Variants in GPBP1 observed in about 807,000 individuals in gnomAD.
The protein encoded by GPBP1 is vasculin.
In GPBP1, 13 loss-of-function variants were observed where a neutral mutation model predicts 56.5. The observed-to-expected ratio is 0.23, with a 90% confidence interval of 0.15 to 0.37. GPBP1 has a LOEUF of 0.37. GPBP1 is among the 10% of genes least tolerant of loss of function. The pLI is 1.00. For synonymous variants in GPBP1, 204 were observed against 188.9 expected (o/e 1.08, Z -0.66); for missense variants, 477 against 572.3 (o/e 0.83, Z 1.70).
chr5:57,237,132 C>G (rs1756692929), intron 6 of GPBP1: 1 of 1,549,766 alleles, frequency 6.5e-7, no homozygotes, highest in Non-Finnish European at 8.7e-7. Flanking sequence ...CCCAGACACA[C>G]ACATACCCAA....
chr5:57,256,544 T>C (rs1157944448), intron 10 of GPBP1, among the ~76,000 whole-genome samples: 4 of 152,166 alleles, frequency 2.6e-5, no homozygotes, highest in Non-Finnish European at 4.4e-5. Flanking sequence ...GAGAGAGTTA[T>C]GCATACGAAT....
chr5:57,198,915 G>A (rs1429837700), intron 2 of GPBP1, among the ~76,000 whole-genome samples: 1 of 152,156 alleles, frequency 6.6e-6, no homozygotes, highest in Non-Finnish European at 1.5e-5. Flanking sequence ...TGCCTTTGCA[G>A]TTGCAATAAT....
chr5:57,240,145 C>G (rs534877710), intron 6 of GPBP1, among the ~76,000 whole-genome samples: 1 of 151,754 alleles, frequency 6.6e-6, no homozygotes, highest in South Asian at 2.1e-4. Flanking sequence ...TAGCTACTTG[C>G]GAGGCTGAGG....
At position 57,214,157 on chromosome 5, in the gene GPBP1, C is replaced by T; in HGVS notation, c.27C>T (p.Ala9=). Residue 9 remains alanine, a synonymous_variant, in exon 3 of 12, where the codon GCC becomes GCT. Coordinates refer to ENST00000506184, the MANE Select transcript of GPBP1 (RefSeq NM_022913.4). MAQHDFAP[A]WLNFPTPPSS... is the part of the protein sequence containing the mutation. ...TGGCGCAGCATGACTTTGCTCCAGC[C>T]TGGCTTAATTTCCCTACTCCACCAT... is the stretch of plus-strand genomic sequence containing the variant. 1 of 1,614,060 alleles carries T rather than the reference C, an allele frequency of 6.2e-7. No homozygotes were observed. Among genetic ancestry groups the T allele is most frequent in the South Asian group, 1.1e-5 (1 of 91,084 alleles).
chr5:57,235,903 C>A, intron 5 of GPBP1, 63 bp from the exon 6 acceptor site: 1 of 1,166,932 alleles, frequency 8.6e-7, no homozygotes, highest in Non-Finnish European at 1.3e-6. Context: ...ATGTATGATT[C>A]TGAGATTGGT....
chr5:57,218,539 GC>G (rs1269201983), intron 3 of GPBP1, among the ~76,000 whole-genome samples: 2 of 152,144 alleles, frequency 1.3e-5, no homozygotes, highest in Non-Finnish European at 2.9e-5. Flanking sequence ...CATGTGTTCA[GC>G]AATTGGTCTA....
intron 2 of GPBP1, among the ~76,000 whole-genome samples, chr5:57,201,652 A>T (rs1755029547): frequency 6.6e-6 from 1 of 152,186 alleles, no homozygotes; most frequent in Non-Finnish European, 1.5e-5. Flanking sequence ...CTGTAAGGTT[A>T]TTTTACTTGA....
intron 2 of GPBP1, among the ~76,000 whole-genome samples, chr5:57,212,000 G>A (rs1580011507): frequency 1.3e-5 from 2 of 151,722 alleles, no homozygotes; most frequent in East Asian, 1.9e-4. Flanking sequence ...GCAGTGGCGC[G>A]ATCTCGGCTC....
intron 6 of GPBP1, chr5:57,237,207 A>G (rs1756694872): frequency 7.5e-7 from 1 of 1,339,524 alleles, no homozygotes; most frequent in East Asian, 2.5e-5. Context: ...TTCTGGGAAC[A>G]ACTGATTGCA....
At chr5:57,226,930 G>A (rs183590574) in intron 3 of GPBP1, among the ~76,000 whole-genome samples, 96 of 151,952 alleles carry the variant, frequency 6.3e-4, no homozygotes, top group African/African-American at 2.1e-3. Context: ...TAGTAGAGAC[G>A]GGGTTTCACC....
rs1753684235 is a variant in GPBP1 at position 57,174,061 on chromosome 5, T to C, written c.-1161T>C. 2 of 152,786 alleles carry C rather than the reference T, an allele frequency of 1.3e-5. No homozygotes were observed. The highest frequency in any genetic ancestry group is 6.6e-5 in the Admixed American group (1 of 15,258). 9.5% of individuals were successfully genotyped at this position (152,786 alleles called of 1,614,324 possible). ...TCTCGCGAGACTTGGCCCAGAACAT[T>C]GCGGATCGGGTCGGCGCCATTTTGG... On this transcript the variant is annotated 5_prime_UTR_variant, in exon 1 of 12. Coordinates refer to ENST00000506184, the MANE Select transcript of GPBP1 (RefSeq NM_022913.4).
Position 57,230,984 on chromosome 5 carries a change from G to A in GPBP1, c.187+15G>A, listed in dbSNP as rs751008021. 6.3e-7 allele frequency: 1 copy of A among 1,581,660 alleles called. No individual in the cohort carries two copies. Among genetic ancestry groups the A allele is most frequent in the South Asian group, 1.2e-5 (1 of 86,086 alleles). On this transcript the variant is annotated intron_variant, in intron 4 of 11. Transcript: ENST00000506184. The stretch of plus-strand genomic sequence containing the variant: ...TCCTAATGGAGGTAAAATTTGCTAA[G>A]GAATGATGTTTATGGCTAATTTTCT...
chr5:57,241,025 A>G (rs2111898388), intron 6 of GPBP1, among the ~76,000 whole-genome samples: 1 of 152,230 alleles, frequency 6.6e-6, no homozygotes, highest in African/African-American at 2.4e-5. Context: ...GTCATGTCAC[A>G]GGTGTTTAAT....
At chr5:57,257,150 C>T (rs1039872765) in intron 10 of GPBP1, among the ~76,000 whole-genome samples, 2 of 151,760 alleles carry the variant, frequency 1.3e-5, no homozygotes, top group Non-Finnish European at 2.9e-5. Flanking sequence ...TCTCCTGCCT[C>T]GGCCTCCCGG....
intron 6 of GPBP1, chr5:57,237,153 C>T (rs1179813059): frequency 6.5e-7 from 1 of 1,548,554 alleles, no homozygotes; most frequent in Non-Finnish European, 8.7e-7. Flanking sequence ...CCAAAAAAAT[C>T]TCCCAAGCTC....
chr5:57,211,604 G>T (rs200169024), intron 2 of GPBP1, among the ~76,000 whole-genome samples: 3 of 114,154 alleles, frequency 2.6e-5, no homozygotes, highest in Non-Finnish European at 5.5e-5. Flanking sequence ...GTTGTTGTTG[G>T]AGATGGAGTT....
chr5:57,242,839 T>C (rs1288219486), intron 6 of GPBP1, among the ~76,000 whole-genome samples: 2 of 151,964 alleles, frequency 1.3e-5, no homozygotes, highest in Non-Finnish European at 2.9e-5. Context: ...AACCTCTGCC[T>C]CCCGGGTTCA....
chr5:57,224,079 C>A (rs960548451), intron 3 of GPBP1, among the ~76,000 whole-genome samples: 3 of 151,496 alleles, frequency 2.0e-5, no homozygotes, highest in Non-Finnish European at 4.4e-5. Flanking sequence ...ATGATCCGCC[C>A]GCCTCGGCCT....
intron 2 of GPBP1, among the ~76,000 whole-genome samples, chr5:57,201,610 C>G (rs1579998573): frequency 6.6e-6 from 1 of 151,996 alleles, no homozygotes; most frequent in African/African-American, 2.4e-5. Context: ...TAAGAAACAC[C>G]TAGGGTAGCC....
Sources: allele counts gnomAD v4.1 joint callset (sites outside exome capture counted in the v4.1 genomes callset), GRCh38; gene constraint gnomAD v4.1.1; transcripts MANE v1.5; gene names NCBI Gene and HGNC (gene_info 2026-07-23, HGNC 2026-07-21).